Variants in MROH1 observed in about 807,000 individuals in gnomAD.
The protein encoded by MROH1 is maestro heat like repeat family member 1, also known as maestro heat-like repeat-containing protein family member 1.
MROH1 carries 117 observed loss-of-function variants against 116.5 expected under a neutral mutation model. That is an observed-to-expected ratio of 1.00 (90% CI 0.86 to 1.17). The LOEUF (loss-of-function observed/expected upper bound fraction) is 1.17. Among genes scored for constraint, MROH1 ranks in the 50% most tolerant of loss-of-function variants. The pLI, the probability that MROH1 is intolerant of heterozygous loss-of-function variation, is 0.00. For missense variants in MROH1, 1,873 were observed against 1,338.5 expected (o/e 1.40, Z -6.23); for synonymous variants, 921 against 583.9 (o/e 1.58, Z -8.32).
At chr8:144,246,571 A>G (rs1841958817) in intron 29 of MROH1, among the ~76,000 whole-genome samples, 1 of 152,212 alleles carries the variant, frequency 6.6e-6, no homozygotes, top group Non-Finnish European at 1.5e-5. Flanking sequence ...CAGTCTAAGA[A>G]CAATGGCTGG....
chr8:144,200,660 A>C, intron 12 of MROH1, 119 bp downstream of exon 12: 1 of 772,430 alleles, frequency 1.3e-6, no homozygotes, highest in Non-Finnish European at 2.1e-6. Flanking sequence ...CTCTAGAAAG[A>C]TTTCCCTACT....
In MROH1 at chr8:144,148,090, G is replaced by A. The variant is rs1470129753; in HGVS notation, c.-177+14G>A. 6.6e-6 allele frequency: 1 copy of A among 152,330 alleles called. No homozygotes were observed. The allele number at this position is 152,330 out of a possible 1,614,324, so 9.4% of individuals were successfully genotyped here. On this transcript the variant is annotated intron_variant, in intron 1 of 43. Transcript: ENST00000326134. ...GCGGCTCCTCAGGTAAACGGCGGGT[G>A]GGGATGAGCCTTCGGCGGCGCTGGG...
rs761979363 is a variant in MROH1, at chr8:144,168,369, T to G, written c.97T>G (p.Cys33Gly). The change falls in exon 4 of 44, where the codon TGC becomes GGC. Residue 33 changes from cysteine to glycine, a missense_variant. Cys to Gly is a radical substitution (Grantham distance 159, BLOSUM62 -3). Transcript: ENST00000326134. Reference sequence around the variant, plus strand: ...GCAGGAGCAGGTCTGCAGTGCCCTGTGCTCCCTCGGGGAGGCGCGGCCGGT... The same window carrying G: ...GCAGGAGCAGGTCTGCAGTGCCCTGGGCTCCCTCGGGGAGGCGCGGCCGGT... ...LVQEQVCSAL[C>G]SLGEARPVET... 1.9e-6 allele frequency: 3 copies of G among 1,611,390 alleles called. No individual in the cohort carries two copies. The highest frequency in any genetic ancestry group is 3.3e-5 in the Admixed American group (2 of 59,972).
At chr8:144,258,242 G>A (rs1198931453) in intron 35 of MROH1, among the ~76,000 whole-genome samples, 1 of 152,198 alleles carries the variant, frequency 6.6e-6, no homozygotes, top group Non-Finnish European at 1.5e-5. Context: ...CACGCCCAGG[G>A]CGCCTGCTCT....
Position 144,254,911 on chromosome 8 carries a change from T to A in MROH1, c.3527T>A (p.Phe1176Tyr), listed in dbSNP as rs1203630543. The change falls in exon 34 of 44, where the codon TTC (phenylalanine) becomes TAC (tyrosine). Residue 1176 changes from phenylalanine (F) to tyrosine (Y), a missense_variant. Physicochemically the swap from Phe to Tyr is conservative, Grantham distance 22. Coordinates refer to ENST00000326134, the MANE Select transcript of MROH1 (RefSeq NM_032450.3). Reference sequence around the variant, plus strand: ...GAGAAGATGAGTAGGGACGTCCCTTTCAAGGAGAGCCGGGCCTTCCTGCTG... The same window carrying A: ...GAGAAGATGAGTAGGGACGTCCCTTACAAGGAGAGCCGGGCCTTCCTGCTG... ...LLEKMSRDVP[F>Y]KESRAFLLGR... is the part of the protein sequence containing the mutation. The A allele has an allele frequency of 1.3e-6, 1 of 777,590 alleles. No homozygotes were observed. The highest frequency in any genetic ancestry group is 2.4e-6 in the Non-Finnish European group (1 of 417,400). 48.2% of individuals were successfully genotyped at this position (777,590 alleles called of 1,614,324 possible).
intron 3 of MROH1, among the ~76,000 whole-genome samples, chr8:144,164,532 G>A (rs1056899616): frequency 6.6e-6 from 1 of 151,986 alleles, no homozygotes. Flanking sequence ...AGCCTCCCAA[G>A]TAGCTGGGCC....
At chr8:144,199,597 C>G (rs1342216315) in intron 11 of MROH1, among the ~76,000 whole-genome samples, 1 of 152,220 alleles carries the variant, frequency 6.6e-6, no homozygotes, top group African/African-American at 2.4e-5. Flanking sequence ...CATGACCCAC[C>G]TGGAGGTGCC....
chr8:144,150,270 T>C (rs983814933), intron 1 of MROH1, among the ~76,000 whole-genome samples: 6 of 152,336 alleles, frequency 3.9e-5, no homozygotes, highest in Admixed American at 3.9e-4. Context: ...GAAGCAGCTC[T>C]TTCATTCACA....
Position 144,180,230 on chromosome 8 carries a change from G to A in MROH1, c.353G>A (p.Gly118Glu). ...QAASGVLVAV[G>E]RQFISKVMEE... The stretch of plus-strand genomic sequence containing the variant: ...GCGAGTGGCGTCCTGGTGGCCGTGG[G>A]AAGACAGTTCATCAGCAAGGTGATG... The change falls in exon 6 of 44, where the codon GGA becomes GAA. Residue 118 changes from glycine to glutamate, a missense_variant. Coordinates refer to ENST00000326134, the MANE Select transcript of MROH1 (RefSeq NM_032450.3). The surrounding 1 kb of genome is among the most constrained non-coding windows in gnomAD (Gnocchi z 7.4). 6.2e-7 allele frequency: 1 copy of A among 1,613,650 alleles called. No individual in the cohort carries two copies. Among genetic ancestry groups the A allele is most frequent in the Non-Finnish European group, 8.5e-7 (1 of 1,179,860 alleles).
intron 1 of MROH1, among the ~76,000 whole-genome samples, chr8:144,156,060 GA>G (rs1817980502): frequency 6.6e-6 from 1 of 151,862 alleles, no homozygotes; most frequent in Admixed American, 6.6e-5. Flanking sequence ...CCAACATGGA[GA>G]AACTCCGCCT....
chr8:144,247,217 T>C, intron 29 of MROH1, 84 bp from the exon 30 acceptor site: 4 of 715,290 alleles, frequency 5.6e-6, no homozygotes, highest in Non-Finnish European at 1.0e-5. Context: ...CTGGCCACAC[T>C]CCAGCCCTCC....
At chr8:144,167,238 A>G (rs996882093) in intron 3 of MROH1, among the ~76,000 whole-genome samples, 1 of 96,474 alleles carries the variant, frequency 1.0e-5, no homozygotes, top group Non-Finnish European at 2.1e-5. Context: ...TGTGGGGTGG[A>G]GTGGCCGGTT....
At chr8:144,152,981 T>C (rs1220887864) in intron 1 of MROH1, among the ~76,000 whole-genome samples, 4 of 152,222 alleles carry the variant, frequency 2.6e-5, no homozygotes, top group South Asian at 2.1e-4. Flanking sequence ...ATTCTTCCTG[T>C]CTAACTGAAG....
intron 12 of MROH1, among the ~76,000 whole-genome samples, chr8:144,215,872 CAA>C (rs35093804): frequency 7.5e-4 from 94 of 124,892 alleles, no homozygotes; most frequent in Middle Eastern, 4.8e-3. Flanking sequence ...GACTCTGTCG[CAA>C]AAAAAAAAAA....
chr8:144,245,498 C>T (rs1385516785), intron 29 of MROH1, among the ~76,000 whole-genome samples: 4 of 152,250 alleles, frequency 2.6e-5, no homozygotes, highest in Non-Finnish European at 5.9e-5. Flanking sequence ...CTCTGGTCTC[C>T]AGGGCTTCAC....
At chr8:144,224,512 C>T (rs944718599) in intron 14 of MROH1, among the ~76,000 whole-genome samples, 4 of 152,096 alleles carry the variant, frequency 2.6e-5, no homozygotes, top group Non-Finnish European at 5.9e-5. Flanking sequence ...GCAACCCTCC[C>T]ACCTCGGCCT....
chr8:144,240,323 G>T (rs1294525342), intron 19 of MROH1, among the ~76,000 whole-genome samples, 170 bp downstream of exon 19: 1 of 152,164 alleles, frequency 6.6e-6, no homozygotes, highest in Admixed American at 6.5e-5. Flanking sequence ...TGCAGCGGGG[G>T]CCTTGCTGTG....
intron 7 of MROH1, among the ~76,000 whole-genome samples, chr8:144,181,169 T>G (rs1028472822): frequency 2.6e-5 from 4 of 151,684 alleles, no homozygotes; most frequent in Non-Finnish European, 5.9e-5. Flanking sequence ...CCCTGGTAGC[T>G]GGCCGGGAGG....
At position 144,163,967 on chromosome 8, in the gene MROH1, G is replaced by A; in HGVS notation, c.22+119G>A. 1 of 1,085,448 alleles carries A rather than the reference G, an allele frequency of 9.2e-7. No homozygotes were observed. The highest frequency in any genetic ancestry group is 1.3e-6 in the Non-Finnish European group (1 of 750,944). The allele number at this position is 1,085,448 out of a possible 1,614,324, so 67.2% of individuals were successfully genotyped here. On this transcript the variant is annotated intron_variant, in intron 3 of 43. Coordinates refer to ENST00000326134, the MANE Select transcript of MROH1 (RefSeq NM_032450.3). This position sits in a 1 kb window ranked among gnomAD's most constrained non-coding sequence, Gnocchi z 4.4. ...GCCTAGAGTTTCCACCCTATACTCG[G>A]GAGCCTGAGTGGGTTCTGGGCAGGT...
Sources: gnomAD v4.1 joint callset for allele counts (sites outside exome capture counted in the v4.1 genomes callset) on GRCh38, gnomAD v4.1.1 for gene constraint, Gnocchi (gnomAD v3.1) non-coding constraint, MANE v1.5 for transcripts, NCBI Gene and HGNC (gene_info 2026-07-23, HGNC 2026-07-21) for gene names.